Variants in MED12L observed in about 807,000 individuals in gnomAD.
MED12L encodes mediator of RNA polymerase II transcription subunit 12-like protein.
Under a neutral mutation model 281.3 loss-of-function variants are expected in MED12L, and 60 were observed. That is an observed-to-expected ratio of 0.21 (90% CI 0.17 to 0.26). The LOEUF is 0.26. Ranked by LOEUF, MED12L falls within the 10% of genes least tolerant of loss-of-function variation. The pLI, the probability that MED12L is intolerant of heterozygous loss-of-function variation, is 1.00. For synonymous variants in MED12L, 974 were observed against 987.2 expected, an observed-to-expected ratio of 0.99 and a Z score of 0.25; for missense variants, 2,146 against 2,680.9, an observed-to-expected ratio of 0.80 and a Z score of 4.41.
chr3:151,342,967 G>T (rs1168989516), intron 16 of MED12L, among the ~76,000 whole-genome samples: 1 of 152,138 alleles, frequency 6.6e-6, no homozygotes, highest in Non-Finnish European at 1.5e-5. Context: ...GAGCAGAGCA[G>T]TGAAGTTAGA....
At chr3:151,161,056 T>C (rs2148958101) in intron 8 of MED12L, among the ~76,000 whole-genome samples, 1 of 152,338 alleles carries the variant, frequency 6.6e-6, no homozygotes, top group African/African-American at 2.4e-5. Flanking sequence ...GAAGATGCCC[T>C]GTGGGCCTTA....
At chr3:151,412,299 T>A (rs1717023611) in intron 41 of MED12L, among the ~76,000 whole-genome samples, 1 of 152,204 alleles carries the variant, frequency 6.6e-6, no homozygotes, top group African/African-American at 2.4e-5. Context: ...TCTTACTAAG[T>A]TTTGATCAGG....
intron 21 of MED12L, among the ~76,000 whole-genome samples, chr3:151,362,372 T>A (rs1754718641): frequency 6.6e-6 from 1 of 152,078 alleles, no homozygotes; most frequent in Non-Finnish European, 1.5e-5. Flanking sequence ...CCTCTGTTTA[T>A]TGTGGCCACA....
intron 2 of MED12L, among the ~76,000 whole-genome samples, chr3:151,090,176 C>G (rs9289832): frequency 0.21 from 32,365 of 151,892 alleles, 3,681 homozygotes; most frequent in African/African-American, 0.3. Context: ...GGGACCCTGG[C>G]TGTCCTGTTT....
intron 16 of MED12L, among the ~76,000 whole-genome samples, chr3:151,344,231 T>C (rs1752256872): frequency 6.6e-6 from 1 of 152,008 alleles, no homozygotes; most frequent in Non-Finnish European, 1.5e-5. Flanking sequence ...AGATTTAATA[T>C]ACAAATGTAG....
At chr3:151,137,911 C>CT (rs1479223534) in intron 5 of MED12L, among the ~76,000 whole-genome samples, 1 of 151,648 alleles carries the variant, frequency 6.6e-6, no homozygotes, top group African/African-American at 2.4e-5. Context: ...ATTTTTTTCC[C>CT]TTATGAACTA....
intron 40 of MED12L, 87 bp from the exon 41 acceptor site, chr3:151,411,191 G>T: frequency 1.8e-6 from 2 of 1,112,534 alleles, no homozygotes; most frequent in Non-Finnish European, 2.7e-6. Flanking sequence ...AGTCCTCATG[G>T]GTTTGTTTTT....
chr3:151,350,346 G>A (rs1022251833), intron 17 of MED12L, 140 bp downstream of exon 17: 3 of 671,096 alleles, frequency 4.5e-6, no homozygotes, highest in African/African-American at 1.8e-5. Flanking sequence ...ATGTGAACAA[G>A]CACATTTAAA....
intron 16 of MED12L, among the ~76,000 whole-genome samples, chr3:151,276,060 A>G (rs922072301): frequency 1.3e-5 from 2 of 152,228 alleles, no homozygotes; most frequent in Non-Finnish European, 1.5e-5. Flanking sequence ...TTATTATACA[A>G]TCAAGGACAC....
intron 2 of MED12L, among the ~76,000 whole-genome samples, chr3:151,112,813 A>T (rs954350754): frequency 6.6e-6 from 1 of 152,186 alleles, no homozygotes; most frequent in African/African-American, 2.4e-5. Context: ...CACAAATGAA[A>T]TTACAACTCC....
intron 16 of MED12L, among the ~76,000 whole-genome samples, chr3:151,253,268 G>A (rs868813898): frequency 1.3e-5 from 2 of 152,066 alleles, no homozygotes; most frequent in African/African-American, 4.8e-5. Flanking sequence ...TTAATTGAGA[G>A]GCACGTATAC....
intron 16 of MED12L, chr3:151,198,964 C>T: frequency 6.2e-7 from 1 of 1,613,838 alleles, no homozygotes; most frequent in Non-Finnish European, 8.5e-7. Flanking sequence ...TAAGAAGGAC[C>T]ATTAGCCACA....
At chr3:151,361,318 C>G (rs1361039902) in intron 21 of MED12L, among the ~76,000 whole-genome samples, 1 of 152,052 alleles carries the variant, frequency 6.6e-6, no homozygotes, top group Non-Finnish European at 1.5e-5. Context: ...CCAGTACCCT[C>G]ACTGAATAAC....
intron 16 of MED12L, among the ~76,000 whole-genome samples, chr3:151,246,449 C>T (rs1409566238): frequency 1.3e-5 from 2 of 151,818 alleles, no homozygotes; most frequent in Admixed American, 6.6e-5. Flanking sequence ...CAGAACAGAG[C>T]CCTCAGAAAT....
chr3:151,394,969 C>G (rs1245617127), intron 39 of MED12L, 102 bp downstream of exon 39: 5 of 1,443,518 alleles, frequency 3.5e-6, no homozygotes, highest in Non-Finnish European at 4.7e-6. Context: ...ATGCATATCC[C>G]TGTATACTTG....
At chr3:151,160,495 G>A (rs766110682) in intron 8 of MED12L, among the ~76,000 whole-genome samples, 7 of 152,074 alleles carry the variant, frequency 4.6e-5, no homozygotes, top group Non-Finnish European at 1.0e-4. Flanking sequence ...AAATCGTATC[G>A]GGTTCCGTTC....
chr3:151,361,132 T>A (rs907313731), intron 21 of MED12L, among the ~76,000 whole-genome samples: 1 of 152,174 alleles, frequency 6.6e-6, no homozygotes, highest in African/African-American at 2.4e-5. Flanking sequence ...TTAATATCCT[T>A]TGGGCATTAC....
intron 16 of MED12L, chr3:151,219,534 C>A (rs1015471727): frequency 6.6e-6 from 1 of 152,104 alleles, no homozygotes. Flanking sequence ...TAAAAAATTA[C>A]CTTTTAAGAT....
In MED12L at chr3:151,217,270, T is replaced by C. The variant is rs1728417541; in HGVS notation, c.2250+23604T>C. ...ATAATTCCTTTTCTTATAGAAACCC[T>C]TATAAAATTATTTTCTCAGAGTCTT... On this transcript the variant is annotated intron_variant, in intron 16 of 44. Transcript: ENST00000687756. Among the ~76,000 whole-genome samples the C allele has an allele frequency of 2.6e-5, 4 of 152,210 alleles. No homozygotes were observed. In the South Asian group the frequency reaches 8.3e-4, roughly 32 times the overall value.
Sources: allele counts gnomAD v4.1 joint callset (sites outside exome capture counted in the v4.1 genomes callset), GRCh38; gene constraint gnomAD v4.1.1; transcripts MANE v1.5; gene names NCBI Gene and HGNC (gene_info 2026-07-23, HGNC 2026-07-21).